The following CELF2 variants were observed in gnomAD, a reference collection of about 807,000 sequenced individuals.
CELF2 encodes the protein CUGBP Elav-like family member 2.
A neutral mutation model predicts 62.6 loss-of-function variants in CELF2; 8 were observed. That is an observed-to-expected ratio of 0.13 (90% CI 0.07 to 0.23). The LOEUF (loss-of-function observed/expected upper bound fraction) is 0.23. Ranked by LOEUF, CELF2 falls within the 10% of genes least tolerant of loss-of-function variation. The pLI, the probability that CELF2 is intolerant of heterozygous loss-of-function variation, is 1.00. For missense variants in CELF2, 333 were observed against 671.0 expected (o/e 0.50, Z 5.56); for synonymous variants, 258 against 250.0 (o/e 1.03, Z -0.30).
intron 3 of CELF2, among the ~76,000 whole-genome samples, chr10:11,236,258 C>G (rs961149393): frequency 4.6e-5 from 7 of 152,180 alleles, no homozygotes; most frequent in African/African-American, 1.7e-4. Flanking sequence ...CTTAAATTTT[C>G]CAAGTTAGTT....
chr10:10,518,140 T>A, the CELF2 span, among the ~76,000 whole-genome samples: 4 of 152,176 alleles, frequency 2.6e-5, no homozygotes, highest in African/African-American at 9.6e-5. Flanking sequence ...CAGCCCAGCT[T>A]CTACCATCAA....
At chr10:10,551,865 CG>C in the CELF2 span, among the ~76,000 whole-genome samples, 1 of 152,164 alleles carries the variant, frequency 6.6e-6, no homozygotes, top group African/African-American at 2.4e-5. Flanking sequence ...ATCAGCAACA[CG>C]GAAAGCATCT....
intron 1 of CELF2, among the ~76,000 whole-genome samples, chr10:11,006,814 C>T (rs1230059659): frequency 6.6e-6 from 1 of 152,150 alleles, no homozygotes; most frequent in Non-Finnish European, 1.5e-5. Flanking sequence ...TGCTTATGTC[C>T]TTATAAAATG....
the CELF2 span, among the ~76,000 whole-genome samples, chr10:10,705,461 G>A: frequency 1.6e-4 from 24 of 151,998 alleles, 1 homozygote; most frequent in African/African-American, 4.8e-5. Flanking sequence ...TTCCTATTGT[G>A]GGATGAAAGG....
chr10:10,545,377 G>A, the CELF2 span, among the ~76,000 whole-genome samples: 24 of 152,160 alleles, frequency 1.6e-4, no homozygotes, highest in East Asian at 9.7e-4. Context: ...TAGTAATCCC[G>A]TCACTGGATT....
At chr10:10,546,965 G>A in the CELF2 span, among the ~76,000 whole-genome samples, 159 of 152,054 alleles carry the variant, frequency 1.0e-3, no homozygotes, top group African/African-American at 3.5e-3. Context: ...AAATTAGCTG[G>A]GCATGGTGGC....
the CELF2 span, among the ~76,000 whole-genome samples, chr10:10,754,061 G>GTT: frequency 1.8e-4 from 15 of 85,006 alleles, no homozygotes; most frequent in East Asian, 4.9e-4. Flanking sequence ...TGCTGAGGTG[G>GTT]TTTTTTTTTT....
intron 1 of CELF2, among the ~76,000 whole-genome samples, chr10:10,873,598 C>T (rs2060898028): frequency 6.6e-6 from 1 of 152,226 alleles, no homozygotes; most frequent in South Asian, 2.1e-4. Flanking sequence ...CCAAGGCTCT[C>T]CTATTCAAAA....
chr10:11,325,761 A>G, intron 11 of CELF2, 75 bp from the exon 12 acceptor site: 1 of 1,348,800 alleles, frequency 7.4e-7, no homozygotes, highest in Non-Finnish European at 1.0e-6. Flanking sequence ...CCTGTTGTTA[A>G]AGTATTCCTA....
chr10:10,668,826 T>G, the CELF2 span, among the ~76,000 whole-genome samples: 3 of 152,000 alleles, frequency 2.0e-5, no homozygotes, highest in Admixed American at 6.6e-5. Flanking sequence ...GGCAGGGTGG[T>G]GTGCGCCTGT....
chr10:10,701,094 A>T, the CELF2 span, among the ~76,000 whole-genome samples: 1 of 152,238 alleles, frequency 6.6e-6, no homozygotes, highest in African/African-American at 2.4e-5. Context: ...ACTCACAACA[A>T]CACAAGGTAG....
the CELF2 span, among the ~76,000 whole-genome samples, chr10:10,571,883 G>T: frequency 1.3e-5 from 2 of 152,062 alleles, no homozygotes; most frequent in African/African-American, 2.4e-5. Flanking sequence ...AGGACAGAGG[G>T]TCTGGAACCC....
chr10:10,509,948 A>G, the CELF2 span, among the ~76,000 whole-genome samples: 1 of 152,156 alleles, frequency 6.6e-6, no homozygotes, highest in South Asian at 2.1e-4. Flanking sequence ...GACCTTGCCA[A>G]TGAACTTGAA....
chr10:10,865,694 A>C (rs889028319), intron 1 of CELF2, among the ~76,000 whole-genome samples: 1 of 152,104 alleles, frequency 6.6e-6, no homozygotes, highest in Non-Finnish European at 1.5e-5. Context: ...TGAGGATTAG[A>C]TTTTCATTCA....
the CELF2 span, among the ~76,000 whole-genome samples, chr10:10,550,525 A>ATCTG: frequency 6.6e-6 from 1 of 152,136 alleles, no homozygotes; most frequent in African/African-American, 2.4e-5. Flanking sequence ...AAACACTCAA[A>ATCTG]TCTGTCTCCC....
intron 4 of CELF2, 87 bp downstream of exon 4, chr10:11,249,288 G>C: frequency 9.3e-7 from 1 of 1,070,568 alleles, no homozygotes; most frequent in Non-Finnish European, 1.5e-6. Context: ...AGCCGGCCCA[G>C]CTGCTTTTCT....
the CELF2 span, among the ~76,000 whole-genome samples, chr10:10,655,545 C>A: frequency 9.6e-5 from 11 of 114,186 alleles, no homozygotes; most frequent in Admixed American, 4.5e-4. Context: ...TGGAACAGAA[C>A]AGAGCCCTCA....
chr10:10,792,801 TC>T, the CELF2 span, among the ~76,000 whole-genome samples: 4 of 152,094 alleles, frequency 2.6e-5, no homozygotes, highest in African/African-American at 9.7e-5. Context: ...AGCTCTTTTT[TC>T]CCCCCTACTG....
chr10:10,495,879 T>C, the CELF2 span, among the ~76,000 whole-genome samples: 4 of 152,216 alleles, frequency 2.6e-5, no homozygotes. Context: ...CCAGAAAACA[T>C]GGACATAATT....
Sources: gnomAD v4.1 joint callset for allele counts (sites outside exome capture counted in the v4.1 genomes callset) on GRCh38, gnomAD v4.1.1 for gene constraint, MANE v1.5 for transcripts, NCBI Gene and HGNC (gene_info 2026-07-23, HGNC 2026-07-21) for gene names.